PRKCA: variants seen among roughly 807,000 people sequenced by gnomAD.
The protein encoded by PRKCA is protein kinase C alpha type.
Under a neutral mutation model 87.0 loss-of-function variants are expected in PRKCA, and 27 were observed. The observed-to-expected ratio is 0.31, with a 90% confidence interval of 0.23 to 0.43. The LOEUF (loss-of-function observed/expected upper bound fraction) is 0.43, where lower values mean the gene tolerates loss of function less well. Among genes scored for constraint, PRKCA ranks in the 20% least tolerant of loss-of-function variants. PRKCA has a pLI of 1.00. For synonymous variants in PRKCA, 329 were observed against 311.1 expected (o/e 1.06, Z -0.61); for missense variants, 518 against 852.3 (o/e 0.61, Z 4.88).
At chr17:66,694,772 A>T (rs1166532634) in intron 8 of PRKCA, among the ~76,000 whole-genome samples, 1 of 149,852 alleles carries the variant, frequency 6.7e-6, no homozygotes, top group Admixed American at 6.6e-5. Context: ...ATGGTTAAAA[A>T]AAAAAAAAAA....
At chr17:66,746,633 C>T (rs1258614608) in intron 13 of PRKCA, among the ~76,000 whole-genome samples, 1 of 152,100 alleles carries the variant, frequency 6.6e-6, no homozygotes, top group East Asian at 1.9e-4. Context: ...TCGATTAATA[C>T]CTTAGCGTCT....
chr17:66,562,303 T>G (rs1968736289), intron 3 of PRKCA, among the ~76,000 whole-genome samples: 3 of 150,598 alleles, frequency 2.0e-5, no homozygotes, highest in Admixed American at 2.0e-4. Flanking sequence ...GTAGGAGCTC[T>G]CTGCCCTAAT....
At chr17:66,428,198 G>C (rs1460038362) in intron 2 of PRKCA, among the ~76,000 whole-genome samples, 2 of 152,226 alleles carry the variant, frequency 1.3e-5, no homozygotes, top group Non-Finnish European at 2.9e-5. Context: ...TGCTGTGCCA[G>C]AGTCAACAGG....
chr17:66,725,074 G>A (rs1323763999), intron 8 of PRKCA, among the ~76,000 whole-genome samples: 3 of 152,166 alleles, frequency 2.0e-5, no homozygotes, highest in Non-Finnish European at 4.4e-5. Flanking sequence ...CAGCTTGCTG[G>A]CCTGGCTAAC....
At chr17:66,438,549 G>A (rs913362889) in intron 2 of PRKCA, among the ~76,000 whole-genome samples, 34 of 152,076 alleles carry the variant, frequency 2.2e-4, no homozygotes, top group Admixed American at 1.3e-4. Context: ...TTTAAGAACC[G>A]GTTATTTCAT....
intron 2 of PRKCA, among the ~76,000 whole-genome samples, chr17:66,368,215 T>A (rs1326837395): frequency 6.6e-6 from 1 of 151,838 alleles, no homozygotes; most frequent in Non-Finnish European, 1.5e-5. Context: ...TTGGGGATTT[T>A]GAAAATCTAG....
intron 16 of PRKCA, among the ~76,000 whole-genome samples, chr17:66,789,375 G>A (rs9904795): frequency 0.15 from 22,426 of 152,152 alleles, 2,528 homozygotes; most frequent in African/African-American, 0.31. Context: ...GTTTTCCTGG[G>A]TTTGCCTGGC....
intron 3 of PRKCA, among the ~76,000 whole-genome samples, chr17:66,626,943 A>G: frequency 6.6e-6 from 1 of 152,224 alleles, no homozygotes; most frequent in Non-Finnish European, 1.5e-5. Context: ...ACAGAAATGC[A>G]CTTAAATGCC....
chr17:66,714,286 C>T (rs1372449633), intron 8 of PRKCA, among the ~76,000 whole-genome samples: 1 of 151,782 alleles, frequency 6.6e-6, no homozygotes, highest in African/African-American at 2.4e-5. Flanking sequence ...GCTGCCAGGC[C>T]TCATGCATGG....
At chr17:66,538,688 C>T (rs1967874395) in intron 3 of PRKCA, among the ~76,000 whole-genome samples, 1 of 152,208 alleles carries the variant, frequency 6.6e-6, no homozygotes, top group African/African-American at 2.4e-5. Context: ...TGTTTTTATT[C>T]TCATCCCTTG....
At chr17:66,645,562 G>C (rs1244205991) in intron 5 of PRKCA, 51 bp downstream of exon 5, 1 of 1,608,642 alleles carries the variant, frequency 6.2e-7, no homozygotes, top group South Asian at 1.1e-5. Context: ...TTTGGATGAA[G>C]GTTACACTGA....
intron 2 of PRKCA, among the ~76,000 whole-genome samples, chr17:66,317,470 A>G (rs1673213456): frequency 6.6e-6 from 1 of 152,210 alleles, no homozygotes; most frequent in Non-Finnish European, 1.5e-5. Context: ...ACAGAAGCTA[A>G]GTAGGCTGCC....
intron 9 of PRKCA, 111 bp downstream of exon 9, chr17:66,732,936 G>T: frequency 1.5e-6 from 2 of 1,352,540 alleles, no homozygotes; most frequent in Non-Finnish European, 2.0e-6. Flanking sequence ...TGTGATTCAA[G>T]GTCAGGAGAT....
intron 2 of PRKCA, among the ~76,000 whole-genome samples, chr17:66,435,413 G>A (rs1913327666): frequency 6.6e-6 from 1 of 152,246 alleles, no homozygotes; most frequent in South Asian, 2.1e-4. Context: ...TGCAGCCGGC[G>A]TTTTGTCGTG....
At chr17:66,481,023 A>G (rs1915755367) in intron 2 of PRKCA, among the ~76,000 whole-genome samples, 1 of 152,008 alleles carries the variant, frequency 6.6e-6, no homozygotes. Flanking sequence ...GAACGCTGCC[A>G]GATGGCTGCC....
intron 5 of PRKCA, among the ~76,000 whole-genome samples, chr17:66,656,748 G>A (rs1050659886): frequency 6.6e-6 from 1 of 152,096 alleles, no homozygotes; most frequent in South Asian, 2.1e-4. Context: ...GAAGTGTTTG[G>A]GAATGGTTAT....
At chr17:66,620,685 A>G (rs1970652731) in intron 3 of PRKCA, among the ~76,000 whole-genome samples, 1 of 152,208 alleles carries the variant, frequency 6.6e-6, no homozygotes, top group Non-Finnish European at 1.5e-5. Flanking sequence ...ATTCTATCTA[A>G]GAAGTCAAAG....
At chr17:66,720,387 G>T (rs772259168) in intron 8 of PRKCA, among the ~76,000 whole-genome samples, 9 of 152,198 alleles carry the variant, frequency 5.9e-5, no homozygotes, top group Non-Finnish European at 1.2e-4. Flanking sequence ...CCATTAAGTA[G>T]CATCATTTTA....
intron 9 of PRKCA, 149 bp from the exon 10 acceptor site, chr17:66,735,340 A>T: frequency 1.2e-6 from 1 of 813,552 alleles, no homozygotes; most frequent in Non-Finnish European, 1.9e-6. Context: ...TAGAATTTAC[A>T]AATTTGCACA....
Sources: gnomAD v4.1 joint callset for allele counts (sites outside exome capture counted in the v4.1 genomes callset) on GRCh38, gnomAD v4.1.1 for gene constraint, MANE v1.5 for transcripts, NCBI Gene and HGNC (gene_info 2026-07-23, HGNC 2026-07-21) for gene names.